Variants in PRKN observed in about 807,000 individuals in gnomAD.
The protein encoded by PRKN is E3 ubiquitin-protein ligase parkin.
Under a neutral mutation model 59.5 loss-of-function variants are expected in PRKN, and 56 were observed. The observed-to-expected ratio is 0.94, with a 90% CI of 0.76 to 1.18. PRKN has a LOEUF of 1.18. Ranked by LOEUF, PRKN falls within the 50% of genes most tolerant of loss-of-function variation. The probability of loss-of-function intolerance (pLI) is 0.00; values close to 1 mark genes in which losing one functional copy is unlikely to be tolerated. For missense variants in PRKN, 657 were observed against 596.4 expected, an observed-to-expected ratio of 1.10 and a Z score of -1.06; for synonymous variants, 250 against 222.1, an observed-to-expected ratio of 1.13 and a Z score of -1.12.
intron 4 of PRKN, among the ~76,000 whole-genome samples, chr6:162,160,655 G>C (rs181094713): frequency 6.6e-6 from 1 of 151,836 alleles, no homozygotes; most frequent in Non-Finnish European, 1.5e-5. Flanking sequence ...ATGTGTGAGA[G>C]AGAAAAAAAG....
At chr6:162,204,443 A>AATGCTGCAT (rs1784851260) in intron 3 of PRKN, among the ~76,000 whole-genome samples, 2 of 152,148 alleles carry the variant, frequency 1.3e-5, no homozygotes, top group South Asian at 4.1e-4. Context: ...ATCGTGTGAC[A>AATGCTGCAT]CTGTACTTCT....
At chr6:161,716,940 G>A (rs1787008567) in intron 7 of PRKN, among the ~76,000 whole-genome samples, 1 of 152,198 alleles carries the variant, frequency 6.6e-6, no homozygotes, top group Non-Finnish European at 1.5e-5. Context: ...CATAATTAGA[G>A]AAGCATCACA....
intron 6 of PRKN, among the ~76,000 whole-genome samples, chr6:161,900,384 G>T (rs1474987403): frequency 1.4e-5 from 2 of 147,980 alleles, no homozygotes; most frequent in African/African-American, 5.0e-5. Context: ...CCTGGATGCT[G>T]CTGCCACTGA....
Position 162,063,939 on chromosome 6 carries a change from AC to A in PRKN, c.535-9766del, listed in dbSNP as rs201529223. Among the ~76,000 whole-genome samples the A allele has an allele frequency of 6.3e-3, 965 of 152,280 alleles. 9 individuals carry two copies. The highest frequency in any genetic ancestry group is 0.022 in the African/African-American group (913 of 41,564). ...CCAAGAAAAATGAAAATACACACAC[AC>A]ACACAGAGCAACATAGACTCGTACA... On this transcript the variant is annotated intron_variant, in intron 4 of 11. Coordinates refer to ENST00000366898, the MANE Select transcript of PRKN (RefSeq NM_004562.3).
intron 9 of PRKN, among the ~76,000 whole-genome samples, chr6:161,482,665 C>T (rs532874198): frequency 6.6e-6 from 1 of 152,338 alleles, no homozygotes; most frequent in South Asian, 2.1e-4. Context: ...TCCCTGCAAG[C>T]TAGCCTGACT....
intron 9 of PRKN, among the ~76,000 whole-genome samples, chr6:161,412,100 CA>C: frequency 6.7e-6 from 1 of 150,256 alleles, no homozygotes; most frequent in East Asian, 2.0e-4. Context: ...CTCATTCCTC[CA>C]CTCACTCATT....
At chr6:161,869,349 A>G (rs982352912) in intron 6 of PRKN, among the ~76,000 whole-genome samples, 6 of 152,130 alleles carry the variant, frequency 3.9e-5, no homozygotes, top group Non-Finnish European at 5.9e-5. Context: ...ACTGCACTCC[A>G]GCCTGAGCGA....
intron 2 of PRKN, among the ~76,000 whole-genome samples, chr6:162,367,793 T>C (rs1199761950): frequency 1.3e-5 from 2 of 152,052 alleles, no homozygotes; most frequent in South Asian, 2.1e-4. Context: ...AAAAAAGGGA[T>C]AGAATGAGAT....
At chr6:162,530,053 C>G (rs1400056039) in intron 1 of PRKN, among the ~76,000 whole-genome samples, 2 of 151,714 alleles carry the variant, frequency 1.3e-5, no homozygotes, top group Non-Finnish European at 2.9e-5. Flanking sequence ...TTGCTTGAAC[C>G]TGGGAGGTGG....
At chr6:161,434,777 C>T (rs1788805454) in intron 9 of PRKN, among the ~76,000 whole-genome samples, 2 of 152,092 alleles carry the variant, frequency 1.3e-5, no homozygotes, top group African/African-American at 4.8e-5. Flanking sequence ...TGAAAATCTT[C>T]AAGGTCCTAA....
chr6:162,201,202 G>A lies in PRKN; in HGVS notation c.463C>T (p.Gln155Ter), dbSNP rs1784716389. 1 of 1,613,834 alleles carries A rather than the reference G, an allele frequency of 6.2e-7. No homozygotes were observed. Among genetic ancestry groups the A allele is most frequent in the Admixed American group, 1.7e-5 (1 of 60,002 alleles). The change falls in exon 4 of 12, where the codon CAA becomes TAA. Residue 155 changes from glutamine to a stop codon, truncating the protein, a stop_gained. Transcript: ENST00000366898. LOFTEE classifies it high-confidence loss of function. ...CTGAGTTTTCCCGGCTGCACTCTTT[G>A]ACAGGGGCCTTTGCAATACACATAA... ...SFYVYCKGPC[Q>*]RVQPGKLRVQ... is the part of the protein sequence containing the mutation.
intron 2 of PRKN, among the ~76,000 whole-genome samples, chr6:162,407,481 T>C (rs1427321378): frequency 6.6e-6 from 1 of 152,230 alleles, no homozygotes; most frequent in East Asian, 1.9e-4. Flanking sequence ...TTGTAGCAGA[T>C]GTGTCAACTG....
chr6:161,868,243 G>C (rs1794202678), intron 6 of PRKN, among the ~76,000 whole-genome samples: 1 of 150,446 alleles, frequency 6.6e-6, no homozygotes, highest in Non-Finnish European at 1.5e-5. Context: ...ACAATTATAA[G>C]ACGCAAGATC....
chr6:161,767,280 G>A (rs1789463390), intron 7 of PRKN, among the ~76,000 whole-genome samples: 3 of 152,194 alleles, frequency 2.0e-5, no homozygotes, highest in East Asian at 1.9e-4. Context: ...TTGGGAGGCT[G>A]AGGCGGGCGG....
chr6:162,231,902 C>A (rs58366666), intron 3 of PRKN, among the ~76,000 whole-genome samples: 10,641 of 152,202 alleles, frequency 0.07, 1,071 homozygotes, highest in East Asian at 0.49. Flanking sequence ...TCTGTAATTT[C>A]TCTGGCCCCA....
chr6:161,863,093 G>C (rs1793973143), intron 6 of PRKN, among the ~76,000 whole-genome samples: 1 of 152,168 alleles, frequency 6.6e-6, no homozygotes, highest in South Asian at 2.1e-4. Context: ...TCAATTGAAA[G>C]AGAGGCTTGA....
At position 161,378,693 on chromosome 6, in the gene PRKN, T is replaced by C. The variant is rs775800550; in HGVS notation, c.1167+8101A>G. 1.8e-4 allele frequency among the ~76,000 whole-genome samples: 28 copies of C among 152,172 alleles called. No individual in the cohort carries two copies. Among genetic ancestry groups the C allele is most frequent in the Non-Finnish European group, 3.2e-4 (22 of 68,028 alleles). On this transcript the variant is annotated intron_variant, in intron 10 of 11. Coordinates refer to ENST00000366898, the MANE Select transcript of PRKN (RefSeq NM_004562.3). The surrounding 1 kb of genome is among the most constrained non-coding windows in gnomAD (Gnocchi z 7.3). ...CACACATCCTACTGCCCAGAAGCTG[T>C]TGACCTGATGAGACGGATGGACCAG...
At chr6:162,305,103 C>G (rs1171901017) in intron 2 of PRKN, among the ~76,000 whole-genome samples, 1 of 151,952 alleles carries the variant, frequency 6.6e-6, no homozygotes, top group South Asian at 2.1e-4. Flanking sequence ...AGAAATAAAA[C>G]TGGGAGCAGA....
chr6:162,261,527 T>C (rs993324986), intron 3 of PRKN, among the ~76,000 whole-genome samples: 4 of 152,138 alleles, frequency 2.6e-5, no homozygotes, highest in Non-Finnish European at 5.9e-5. Flanking sequence ...TTTATATTAA[T>C]ATATTATTCT....
Sources: allele counts gnomAD v4.1 joint callset (sites outside exome capture counted in the v4.1 genomes callset), GRCh38; gene constraint gnomAD v4.1.1; non-coding constraint Gnocchi (gnomAD v3.1); transcripts MANE v1.5; gene names NCBI Gene and HGNC (gene_info 2026-07-23, HGNC 2026-07-21).